The following TAF4B variants were observed in gnomAD, a reference collection of about 807,000 sequenced individuals.
TAF4B encodes the protein transcription initiation factor TFIID subunit 4B.
Under a neutral mutation model 86.4 loss-of-function variants are expected in TAF4B, and 38 were observed. The observed-to-expected ratio is 0.44, with a 90% CI of 0.34 to 0.58. The LOEUF is 0.58. TAF4B is among the 20% of genes least tolerant of loss of function. The pLI is 0.02. For synonymous variants in TAF4B, 388 were observed against 391.2 expected (o/e 0.99, Z 0.10); for missense variants, 988 against 1,027.6 (o/e 0.96, Z 0.53).
At chr18:26,238,880 GTTT>G (rs1281276825) in intron 1 of TAF4B, among the ~76,000 whole-genome samples, 1 of 152,082 alleles carries the variant, frequency 6.6e-6, no homozygotes, top group Non-Finnish European at 1.5e-5. Flanking sequence ...AAGAATGATG[GTTT>G]CCAGCTTCAT....
chr18:26,298,208 G>A (rs1367674162), intron 9 of TAF4B, among the ~76,000 whole-genome samples: 2 of 151,532 alleles, frequency 1.3e-5, no homozygotes, highest in South Asian at 2.1e-4. Context: ...GACTGTTTTT[G>A]TTGTAATTAA....
intron 11 of TAF4B, 99 bp downstream of exon 11, chr18:26,321,299 A>G: frequency 8.0e-7 from 1 of 1,244,328 alleles, no homozygotes; most frequent in South Asian, 1.4e-5. Context: ...GGAATGGTTG[A>G]GGCTTATATT....
intron 1 of TAF4B, among the ~76,000 whole-genome samples, chr18:26,261,115 A>G (rs987248915): frequency 2.6e-5 from 4 of 151,624 alleles, no homozygotes; most frequent in South Asian, 2.1e-4. Context: ...TTTTGCTACA[A>G]TAAGCAGCTG....
rs146451083 is a variant in TAF4B, at chr18:26,338,352, G to C, written c.2316+3121G>C. On this transcript the variant is annotated intron_variant, in intron 13 of 14. Coordinates refer to ENST00000269142, the MANE Select transcript of TAF4B (RefSeq NM_005640.3). ...TAATCCCAGTTACTCAGGAGTCTGA[G>C]ACATGAGAATCACTTGAATCTGAGT... Among the ~76,000 whole-genome samples the C allele has an allele frequency of 3.5e-3, 532 of 151,920 alleles. 2 individuals are homozygous for C. Among genetic ancestry groups the C allele is most frequent in the African/African-American group, 0.012 (499 of 41,442 alleles).
At position 26,362,058 on chromosome 18, in the gene TAF4B, C is replaced by T. The variant is rs1252340808; in HGVS notation, c.2421+4264C>T. Among the ~76,000 whole-genome samples, 3 of 152,066 alleles carry T rather than the reference C, an allele frequency of 2.0e-5. No individual in the cohort carries two copies. In the East Asian group the frequency reaches 5.8e-4, roughly 29 times the overall value. ...GTTCCTGACTTTTCTACTACAGTAA[C>T]ATTATACAACAAATTATGTTAAATG... On this transcript the variant is annotated intron_variant, in intron 14 of 14. Coordinates refer to ENST00000269142, the MANE Select transcript of TAF4B (RefSeq NM_005640.3).
chr18:26,242,028 G>A (rs1157489561), intron 1 of TAF4B, among the ~76,000 whole-genome samples: 5 of 152,200 alleles, frequency 3.3e-5, no homozygotes, highest in African/African-American at 1.2e-4. Context: ...TTTGGAATAA[G>A]TGCTACGTGG....
At chr18:26,263,299 T>C (rs994074687) in intron 1 of TAF4B, among the ~76,000 whole-genome samples, 4 of 151,866 alleles carry the variant, frequency 2.6e-5, no homozygotes, top group Non-Finnish European at 4.4e-5. Flanking sequence ...GATATGCAAA[T>C]GGAAATAAAT....
chr18:26,281,901 G>C (rs1422660976), intron 5 of TAF4B, 70 bp from the exon 6 acceptor site: 16 of 1,184,048 alleles, frequency 1.4e-5, no homozygotes, highest in East Asian at 2.4e-5. Flanking sequence ...CTACAATCAT[G>C]AATTATATAC....
At chr18:26,244,307 T>A (rs568560908) in intron 1 of TAF4B, among the ~76,000 whole-genome samples, 1 of 152,238 alleles carries the variant, frequency 6.6e-6, no homozygotes, top group Non-Finnish European at 1.5e-5. Flanking sequence ...CACTGCCGCC[T>A]TGCAGTTTGA....
intron 14 of TAF4B, among the ~76,000 whole-genome samples, chr18:26,385,890 C>T (rs965346598): frequency 6.6e-6 from 1 of 152,052 alleles, no homozygotes; most frequent in Admixed American, 6.6e-5. Flanking sequence ...CTCTCTACCC[C>T]CTTGACTGTG....
At chr18:26,352,904 T>C (rs781666599) in intron 13 of TAF4B, among the ~76,000 whole-genome samples, 2 of 152,248 alleles carry the variant, frequency 1.3e-5, no homozygotes, top group African/African-American at 4.8e-5. Context: ...TTTATTTTTT[T>C]AGTTCTGTAA....
intron 13 of TAF4B, 124 bp downstream of exon 13, chr18:26,335,355 C>T: frequency 2.5e-6 from 2 of 785,266 alleles, no homozygotes. Context: ...TGGGGAAGGA[C>T]AGGAACTGCT....
Position 26,389,918 on chromosome 18 carries a change from T to C in TAF4B, c.2495T>C (p.Ile832Thr). 1.2e-6 allele frequency: 2 copies of C among 1,614,136 alleles called. No individual in the cohort carries two copies. Among genetic ancestry groups the C allele is most frequent in the Non-Finnish European group, 1.7e-6 (2 of 1,179,990 alleles). ...ACCAAACAGTTGCATCGTCCAAGAATCACGAGAATCTGCCTCAGGGACTTG... is the reference window on the plus strand; with the variant it reads ...ACCAAACAGTTGCATCGTCCAAGAACCACGAGAATCTGCCTCAGGGACTTG... ...TATKQLHRPR[I>T]TRICLRDLIF... The change falls in exon 15 of 15, where the codon ATC becomes ACC. Residue 832 changes from isoleucine to threonine, a missense_variant. Ile to Thr is a moderately conservative substitution (Grantham distance 89). Coordinates refer to ENST00000269142, the MANE Select transcript of TAF4B (RefSeq NM_005640.3).
intron 3 of TAF4B, among the ~76,000 whole-genome samples, chr18:26,269,524 G>A (rs1202921136): frequency 2.0e-5 from 3 of 152,228 alleles, no homozygotes; most frequent in East Asian, 1.9e-4. Flanking sequence ...CATCTTCTTG[G>A]AGCCTGCTAC....
At chr18:26,338,544 T>A (rs547064045) in intron 13 of TAF4B, among the ~76,000 whole-genome samples, 1 of 138,074 alleles carries the variant, frequency 7.2e-6, no homozygotes, top group East Asian at 2.4e-4. Flanking sequence ...AATGGCACGA[T>A]CTCGGCTCAC....
chr18:26,366,382 G>A (rs2057371386), intron 14 of TAF4B: 1 of 152,114 alleles, frequency 6.6e-6, no homozygotes, highest in African/African-American at 2.4e-5. Flanking sequence ...TCCAGTTTTA[G>A]TATATGTGCT....
At chr18:26,279,588 A>G (rs1046582839) in intron 5 of TAF4B, among the ~76,000 whole-genome samples, 6 of 151,910 alleles carry the variant, frequency 3.9e-5, no homozygotes, top group Non-Finnish European at 7.4e-5. Context: ...AAGTGGCATC[A>G]CATTACCTGA....
chr18:26,349,444 CCAAA>C (rs71169854), intron 13 of TAF4B, among the ~76,000 whole-genome samples: 10,014 of 151,610 alleles, frequency 0.066, 966 homozygotes, highest in African/African-American at 0.22. Context: ...AAAATCCCTG[CCAAA>C]CAAACAAACA....
intron 5 of TAF4B, among the ~76,000 whole-genome samples, chr18:26,277,004 T>C (rs1363086482): frequency 6.6e-6 from 1 of 152,204 alleles, no homozygotes; most frequent in Non-Finnish European, 1.5e-5. Context: ...TTTAAATTCC[T>C]AAAACTTGAG....
Sources: allele counts gnomAD v4.1 joint callset (sites outside exome capture counted in the v4.1 genomes callset), GRCh38; gene constraint gnomAD v4.1.1; transcripts MANE v1.5; gene names NCBI Gene and HGNC (gene_info 2026-07-23, HGNC 2026-07-21).